The following PALB2 variants were observed in gnomAD, a reference collection of about 807,000 sequenced individuals.
PALB2 encodes partner and localizer of BRCA2.
Under a neutral mutation model 107.4 loss-of-function variants are expected in PALB2, and 82 were observed. That is an observed-to-expected ratio of 0.76 (90% confidence interval 0.64 to 0.92). The LOEUF is 0.92. Among genes scored for constraint, PALB2 ranks in the 40% least tolerant of loss-of-function variants. The pLI is 0.00. For synonymous variants in PALB2, 489 were observed against 496.8 expected (o/e 0.98, Z 0.21); for missense variants, 1,374 against 1,379.9 (o/e 1.00, Z 0.07).
chr16:23,613,018 G>GT (rs776816639), intron 11 of PALB2, among the ~76,000 whole-genome samples: 5,936 of 142,194 alleles, frequency 0.042, 144 homozygotes, highest in Middle Eastern at 0.098. Context: ...CTCCCAAAGC[G>GT]TTTTTTTTTT....
At chr16:23,609,407 A>T (rs1165921925) in intron 11 of PALB2, among the ~76,000 whole-genome samples, 1 of 152,196 alleles carries the variant, frequency 6.6e-6, no homozygotes, top group Non-Finnish European at 1.5e-5. Flanking sequence ...CCTGAATGAG[A>T]GAGTGAGACC....
At chr16:23,619,526 T>G (rs1228106131) in intron 10 of PALB2, among the ~76,000 whole-genome samples, 1 of 151,808 alleles carries the variant, frequency 6.6e-6, no homozygotes, top group Non-Finnish European at 1.5e-5. Context: ...GTATCTTTAG[T>G]AGAGATGGGG....
chr16:23,637,149 G>A (rs1967082913), intron 3 of PALB2, among the ~76,000 whole-genome samples: 1 of 152,104 alleles, frequency 6.6e-6, no homozygotes, highest in Non-Finnish European at 1.5e-5. Context: ...TCGGGAGGCT[G>A]AGGCAGGAGA....
At chr16:23,613,503 G>C (rs1027365497) in intron 11 of PALB2, among the ~76,000 whole-genome samples, 8 of 152,086 alleles carry the variant, frequency 5.3e-5, no homozygotes, top group African/African-American at 1.9e-4. Context: ...AATTAGCCGG[G>C]TGTGGTGGCG....
At chr16:23,623,501 CTTTTTTTTTTTTT>C (rs1189941589) in intron 8 of PALB2, among the ~76,000 whole-genome samples, 2 of 62,550 alleles carry the variant, frequency 3.2e-5, no homozygotes, top group African/African-American at 8.7e-5. Flanking sequence ...CATACCCGGC[CTTTTTTTTTTTTT>C]TTTTTTTTTT....
chr16:23,638,059 G>T lies in PALB2; in HGVS notation c.108+11C>A. 1 of 1,612,328 alleles carries T rather than the reference G, an allele frequency of 6.2e-7. No individual in the cohort carries two copies. Among genetic ancestry groups the T allele is most frequent in the Non-Finnish European group, 8.5e-7 (1 of 1,178,382 alleles). On this transcript the variant is annotated intron_variant, in intron 2 of 12. Transcript: ENST00000261584. ...CTATAACACCTTAATTTGAGAATAC[G>T]ATTCACTTACCTGAAGGCGGGCTAG...
intron 10 of PALB2, chr16:23,617,793 G>T (rs1490206555): frequency 6.6e-6 from 1 of 152,134 alleles, no homozygotes; most frequent in African/African-American, 2.4e-5. Context: ...TTCGGAGAAG[G>T]AAACATCAAT....
intron 10 of PALB2, among the ~76,000 whole-genome samples, chr16:23,620,597 C>T (rs1210799990): frequency 2.0e-5 from 3 of 152,120 alleles, no homozygotes; most frequent in African/African-American, 4.8e-5. Context: ...TATACTTATT[C>T]GAAGGTAGAC....
rs1597066587 is a variant in PALB2, at chr16:23,607,881, A to T, written c.3333T>A (p.Pro1111=). ...LSVGVMLYCL[P]PGQAGRFLEG... is the part of the protein sequence containing the mutation. ...ACACTTGCCTGCCAGCCTGCCCTGG[A>T]GGAAGACAGTACAGCATCACACCCA... Residue 1111 remains proline (P), a synonymous_variant, in exon 12 of 13, where the codon CCT becomes CCA. Coordinates refer to ENST00000261584, the MANE Select transcript of PALB2 (RefSeq NM_024675.4). The T allele has an allele frequency of 1.9e-6, 3 of 1,613,978 alleles. No individual in the cohort carries two copies. Among genetic ancestry groups the T allele is most frequent in the Non-Finnish European group, 2.5e-6 (3 of 1,179,972 alleles).
intron 1 of PALB2, chr16:23,638,460 A>G (rs1320933456): frequency 6.4e-6 from 3 of 469,802 alleles, no homozygotes; most frequent in African/African-American, 3.9e-5. Flanking sequence ...TTTCCTTACC[A>G]CAGTATTCTC....
Position 23,635,352 on chromosome 16 carries a change from C to T in PALB2, c.1194G>A (p.Val398=), listed in dbSNP as rs61755173. The change falls in exon 4 of 13, where the codon GTG becomes GTA. Residue 398 remains valine, a synonymous_variant. Transcript: ENST00000261584. ...CTGCAGGAAACAGAAGGCCTTCAGG[C>T]ACTGTGCAAGAATGTTTTTCTGCAG... ...PLSAEKHSCT[V]PEGLLFPAEY... is the part of the protein sequence containing the mutation. 1.5e-3 allele frequency: 2,377 copies of T among 1,613,992 alleles called. 2 individuals carry two copies. Among genetic ancestry groups the T allele is most frequent in the Non-Finnish European group, 1.9e-3 (2,192 of 1,180,032 alleles).
chr16:23,603,417 G>A lies in PALB2; in HGVS notation c.*42C>T. ...TTAAAACTCCAAAAAATACTAAGAGGCCCAATATATCCAGAAAATTGTGTT... is the reference window on the plus strand; with the variant it reads ...TTAAAACTCCAAAAAATACTAAGAGACCCAATATATCCAGAAAATTGTGTT... On this transcript the variant is annotated 3_prime_UTR_variant, in exon 13 of 13. Transcript: ENST00000261584. The A allele has an allele frequency of 6.7e-7, 1 of 1,497,016 alleles. No homozygotes were observed. Among genetic ancestry groups the A allele is most frequent in the Non-Finnish European group, 9.3e-7 (1 of 1,074,266 alleles). 92.7% of individuals were successfully genotyped at this position (1,497,016 alleles called of 1,614,324 possible).
intron 6 of PALB2, 77 bp from the exon 7 acceptor site, chr16:23,626,474 G>A (rs2142357631): frequency 6.5e-7 from 1 of 1,528,728 alleles, no homozygotes; most frequent in Non-Finnish European, 9.1e-7. Flanking sequence ...GCAAAGTGAT[G>A]AATTATAATT....
intron 4 of PALB2, among the ~76,000 whole-genome samples, chr16:23,633,693 T>G (rs576394713): frequency 3.3e-5 from 5 of 152,232 alleles, no homozygotes; most frequent in Admixed American, 3.3e-4. Flanking sequence ...AAAGAGATAG[T>G]CAGTGGAGTC....
At position 23,641,233 on chromosome 16, in the gene PALB2, G is replaced by T. The variant is rs1967241856; in HGVS notation, c.-76C>A. 2 of 1,553,716 alleles carry T rather than the reference G, an allele frequency of 1.3e-6. No individual in the cohort carries two copies. Among genetic ancestry groups the T allele is most frequent in the East Asian group, 4.7e-5 (2 of 42,794 alleles). ...CGACACCGGGACCCAGTTGGCCCTG[G>T]GCCGGGGAGGCGCCCCAGGAAGGAA... On this transcript the variant is annotated 5_prime_UTR_variant, in exon 1 of 13. Coordinates refer to ENST00000261584, the MANE Select transcript of PALB2 (RefSeq NM_024675.4).
intron 6 of PALB2, 135 bp from the exon 7 acceptor site, chr16:23,626,532 G>C (rs1021869724): frequency 2.0e-6 from 2 of 991,824 alleles, no homozygotes; most frequent in Admixed American, 2.2e-5. Context: ...CAGGTGAAAA[G>C]AAAGAGCTTT....
chr16:23,633,101 TA>T (rs543736685), intron 4 of PALB2, among the ~76,000 whole-genome samples: 2 of 151,142 alleles, frequency 1.3e-5, no homozygotes, highest in East Asian at 3.9e-4. Flanking sequence ...TCAACAACAA[TA>T]AAAAAAAACT....
intron 12 of PALB2, 35 bp downstream of exon 12, chr16:23,607,822 TCAGAATG>T: frequency 6.2e-7 from 1 of 1,612,010 alleles, no homozygotes; most frequent in Non-Finnish European, 8.5e-7. Context: ...ACAGTGCCTT[TCAGAATG>T]TCCCACCCAT....
In PALB2 at chr16:23,607,986, A is replaced by G. The variant is rs762367769; in HGVS notation, c.3228T>C (p.His1076=). 6.2e-7 allele frequency: 1 copy of G among 1,614,096 alleles called. No homozygotes were observed. The highest frequency in any genetic ancestry group is 8.5e-7 in the Non-Finnish European group (1 of 1,179,956). ...ACGACTCACTCTCTTTGGCACAGGGATGACTCAGGACAATAAAGAGAAGCC... is the reference window on the plus strand; with the variant it reads ...ACGACTCACTCTCTTTGGCACAGGGGTGACTCAGGACAATAAAGAGAAGCC... ...EMGLLFIVLS[H]PCAKESESLR... Residue 1076 remains histidine, a synonymous_variant, in exon 12 of 13, where the codon CAT becomes CAC. Transcript: ENST00000261584.
Sources: gnomAD v4.1 joint callset for allele counts (sites outside exome capture counted in the v4.1 genomes callset) on GRCh38, gnomAD v4.1.1 for gene constraint, MANE v1.5 for transcripts, NCBI Gene and HGNC (gene_info 2026-07-23, HGNC 2026-07-21) for gene names.